Variants in CAPRIN1 observed in about 807,000 individuals in gnomAD.
The protein encoded by CAPRIN1 is cell cycle associated protein 1.
A neutral mutation model predicts 100.9 loss-of-function variants in CAPRIN1; 29 were observed. The observed-to-expected ratio is 0.29, with a 90% confidence interval of 0.21 to 0.39. The LOEUF (loss-of-function observed/expected upper bound fraction) is 0.39. Ranked by LOEUF, CAPRIN1 falls within the 10% of genes least tolerant of loss-of-function variation. The pLI, the probability that CAPRIN1 is intolerant of heterozygous loss-of-function variation, is 1.00. For missense variants in CAPRIN1, 795 were observed against 876.7 expected, an observed-to-expected ratio of 0.91 and a Z score of 1.18; for synonymous variants, 338 against 307.5, an observed-to-expected ratio of 1.10 and a Z score of -1.04.
rs770677956 is a variant in CAPRIN1 at position 34,102,254 on chromosome 11, A to C, written c.*2887A>C. ...AACTAGTTGAGCAGTCAGCTTCCTA[A>C]GTGTTTTAGGACATTTGTTCATTAT... On this transcript the variant is annotated 3_prime_UTR_variant, in exon 19 of 19. Transcript: ENST00000341394. Among the ~76,000 whole-genome samples the C allele has an allele frequency of 1.3e-5, 2 of 152,202 alleles. No individual in the cohort carries two copies. Among genetic ancestry groups the C allele is most frequent in the Non-Finnish European group, 2.9e-5 (2 of 68,022 alleles).
Position 34,093,381 on chromosome 11 carries a change from C to A in CAPRIN1, c.1705+1325C>A, listed in dbSNP as rs181558153. Among the ~76,000 whole-genome samples, 371 of 152,002 alleles carry A rather than the reference C, an allele frequency of 2.4e-3. 4 individuals carry two copies. The highest frequency in any genetic ancestry group is 8.7e-3 in the African/African-American group (361 of 41,432). Reference sequence around the variant, plus strand: ...AGGGCCTCCAGCAGTCCTCCCACCTCTACCTTATAGGCATGAGCCACCATG... The same window carrying A: ...AGGGCCTCCAGCAGTCCTCCCACCTATACCTTATAGGCATGAGCCACCATG... On this transcript the variant is annotated intron_variant, in intron 15 of 18. Coordinates refer to ENST00000341394, the MANE Select transcript of CAPRIN1 (RefSeq NM_005898.5).
At chr11:34,096,455 A>G (rs1167891950) in intron 15 of CAPRIN1, 24 bp from the exon 16 acceptor site, 2 of 1,582,568 alleles carry the variant, frequency 1.3e-6, no homozygotes, top group Non-Finnish European at 1.7e-6. Context: ...TTATGTATAT[A>G]TCTTTTTCTT....
At chr11:34,055,249 C>T (rs116351247) in intron 2 of CAPRIN1, among the ~76,000 whole-genome samples, 2,561 of 152,132 alleles carry the variant, frequency 0.017, 51 homozygotes, top group African/African-American at 0.059. Flanking sequence ...CTGCAACCTC[C>T]ACCTCCCGGG....
chr11:34,081,175 CTATT>C lies in CAPRIN1; in HGVS notation c.826+1413_826+1416del, dbSNP rs1321158408. Among the ~76,000 whole-genome samples, 6 of 151,438 alleles carry C rather than the reference CTATT, an allele frequency of 4.0e-5. No individual in the cohort carries two copies. In the East Asian group the frequency reaches 5.8e-4, roughly 15 times the overall value. On this transcript the variant is annotated intron_variant, in intron 7 of 18. Coordinates refer to ENST00000341394, the MANE Select transcript of CAPRIN1 (RefSeq NM_005898.5). Reference sequence around the variant, plus strand: ...TAAATTCAGATTATGTGATGGCAAACTATTTACTTATTTGGAATTTAAGTTGAAT... The same window carrying C: ...TAAATTCAGATTATGTGATGGCAAACTACTTATTTGGAATTTAAGTTGAAT...
intron 7 of CAPRIN1, among the ~76,000 whole-genome samples, chr11:34,082,102 G>A (rs928476492): frequency 2.0e-5 from 3 of 152,302 alleles, no homozygotes; most frequent in South Asian, 2.1e-4. Context: ...GTGAGCCAGC[G>A]CGCCTGGCCT....
intron 2 of CAPRIN1, among the ~76,000 whole-genome samples, chr11:34,064,762 C>A (rs1213584056): frequency 6.6e-6 from 1 of 152,212 alleles, no homozygotes; most frequent in South Asian, 2.1e-4. Flanking sequence ...TCTCTCACCT[C>A]TCCTTCTCAA....
chr11:34,066,507 T>C (rs895166936), intron 2 of CAPRIN1, among the ~76,000 whole-genome samples: 7 of 151,962 alleles, frequency 4.6e-5, no homozygotes, highest in Admixed American at 6.6e-5. Context: ...CTCATTTTTG[T>C]ATTTTTAGTA....
At chr11:34,053,711 T>G (rs1850386706) in intron 2 of CAPRIN1, 1 of 152,246 alleles carries the variant, frequency 6.6e-6, no homozygotes, top group East Asian at 1.9e-4. Flanking sequence ...GTTTTATGCT[T>G]TCATCGCAGG....
chr11:34,089,439 C>T lies in CAPRIN1; in HGVS notation c.1276C>T (p.Gln426Ter). ...RLAQPNQVPV[Q>*]PEATQVPLVS... ...TGCTCAGCCTAATCAAGTTCCTGTA[C>T]AACCAGAAGCGACACAGGTAAGAGT... Residue 426 changes from glutamine (Q) to a stop codon, truncating the protein, a stop_gained, in exon 12 of 19, where the codon CAA (glutamine) becomes TAA (stop). Coordinates refer to ENST00000341394, the MANE Select transcript of CAPRIN1 (RefSeq NM_005898.5). LOFTEE classifies it high-confidence loss of function. The T allele has an allele frequency of 6.2e-7, 1 of 1,604,610 alleles. No homozygotes were observed. The highest frequency in any genetic ancestry group is 8.5e-7 in the Non-Finnish European group (1 of 1,172,564).
chr11:34,097,452 A>G (rs1037833874), intron 17 of CAPRIN1, among the ~76,000 whole-genome samples, 156 bp downstream of exon 17: 3 of 152,254 alleles, frequency 2.0e-5, no homozygotes, highest in Non-Finnish European at 4.4e-5. Context: ...ACTCAACATC[A>G]GTACTCCTTT....
At chr11:34,097,618 TTGAG>T in intron 17 of CAPRIN1, 76 bp from the exon 18 acceptor site, 2 of 1,492,284 alleles carry the variant, frequency 1.3e-6, no homozygotes, top group South Asian at 1.1e-5. Context: ...GAATTCTGTA[TTGAG>T]TGTTAGACTG....
intron 2 of CAPRIN1, among the ~76,000 whole-genome samples, chr11:34,060,212 A>G (rs1027328690): frequency 6.6e-6 from 1 of 151,548 alleles, no homozygotes; most frequent in African/African-American, 2.4e-5. Context: ...AAAAAAAAAA[A>G]AAAAAAGCTG....
Position 34,097,224 on chromosome 11 carries a change from C to G in CAPRIN1, c.1929C>G (p.Phe643Leu). Residue 643 changes from phenylalanine to leucine, a missense_variant, in exon 17 of 19, where the codon TTC becomes TTG. Physicochemically the swap from Phe to Leu is conservative, Grantham distance 22. Transcript: ENST00000341394. ...RGGYDGYRPS[F>L]SNTPNSGYTQ... ...GATATGATGGTTACCGCCCTTCATTCTCTAACACTCCAAACAGTGGTTATA... is the reference window on the plus strand; with the variant it reads ...GATATGATGGTTACCGCCCTTCATTGTCTAACACTCCAAACAGTGGTTATA... The G allele has an allele frequency of 6.2e-7, 1 of 1,613,642 alleles. No homozygotes were observed. The highest frequency in any genetic ancestry group is 8.5e-7 in the Non-Finnish European group (1 of 1,179,576).
intron 2 of CAPRIN1, among the ~76,000 whole-genome samples, chr11:34,061,724 CTT>C (rs1445988815): frequency 6.6e-6 from 1 of 151,868 alleles, no homozygotes; most frequent in Non-Finnish European, 1.5e-5. Context: ...AATCCTAACA[CTT>C]TTGGGAGGCT....
chr11:34,068,766 T>G (rs1250801157), intron 2 of CAPRIN1, among the ~76,000 whole-genome samples: 1 of 152,196 alleles, frequency 6.6e-6, no homozygotes, highest in Non-Finnish European at 1.5e-5. Flanking sequence ...ATTTTACCAC[T>G]CAGGTACCAT....
intron 15 of CAPRIN1, among the ~76,000 whole-genome samples, chr11:34,096,003 T>C (rs1171360111): frequency 1.3e-5 from 2 of 152,192 alleles, no homozygotes; most frequent in African/African-American, 4.8e-5. Flanking sequence ...TGCTTAAATA[T>C]GAGAGAGTGG....
At chr11:34,055,778 T>C (rs1019842366) in intron 2 of CAPRIN1, 4 of 152,218 alleles carry the variant, frequency 2.6e-5, no homozygotes, top group African/African-American at 9.6e-5. Context: ...TTTTAAGTGG[T>C]AGATAGCAGC....
chr11:34,096,310 G>A, intron 15 of CAPRIN1, 169 bp from the exon 16 acceptor site: 2 of 535,904 alleles, frequency 3.7e-6, no homozygotes, highest in South Asian at 2.7e-5. Context: ...AAGGGTAGGA[G>A]AAAGGTAAGA....
intron 2 of CAPRIN1, 83 bp downstream of exon 2, chr11:34,052,719 T>C: frequency 6.8e-7 from 1 of 1,469,304 alleles, no homozygotes; most frequent in Non-Finnish European, 9.2e-7. Flanking sequence ...GAGCCTTCGC[T>C]TCTTTTCGTC....
Sources: gnomAD v4.1 joint callset for allele counts (sites outside exome capture counted in the v4.1 genomes callset) on GRCh38, gnomAD v4.1.1 for gene constraint, MANE v1.5 for transcripts, NCBI Gene and HGNC (gene_info 2026-07-23, HGNC 2026-07-21) for gene names.